LAMA5: variants seen among roughly 807,000 people sequenced by gnomAD.
LAMA5 encodes the protein laminin subunit alpha 5.
LAMA5 carries 260 observed loss-of-function variants against 433.4 expected under a neutral mutation model. That is an observed-to-expected ratio of 0.60 (90% CI 0.54 to 0.66). LAMA5 has a LOEUF of 0.66. LAMA5 is among the 30% of genes least tolerant of loss of function. The pLI, the probability that LAMA5 is intolerant of heterozygous loss-of-function variation, is 0.00. For synonymous variants in LAMA5, 2,620 were observed against 2,226.6 expected (o/e 1.18, Z -4.97); for missense variants, 5,378 against 5,258.5 (o/e 1.02, Z -0.70).
intron 55 of LAMA5, 24 bp from the exon 56 acceptor site, chr20:62,317,047 G>T: frequency 6.6e-7 from 1 of 1,514,340 alleles, no homozygotes. Context: ...GAGGGTCGAA[G>T]GAGTGGGTAA....
intron 52 of LAMA5, 76 bp from the exon 53 acceptor site, chr20:62,318,726 C>T (rs371012549): frequency 2.5e-5 from 40 of 1,573,712 alleles, no homozygotes; most frequent in South Asian, 6.8e-5. Context: ...ACTTGGTGCC[C>T]GCCAGATCCA....
At chr20:62,348,124 G>A (rs925911727) in intron 6 of LAMA5, among the ~76,000 whole-genome samples, 3 of 152,172 alleles carry the variant, frequency 2.0e-5, no homozygotes, top group Non-Finnish European at 2.9e-5. Context: ...GATACCCTGG[G>A]GTGTATAGCA....
chr20:62,315,973 C>T lies in LAMA5; in HGVS notation c.7842G>A (p.Ala2614=), dbSNP rs770413191. The T allele has an allele frequency of 2.4e-5, 38 of 1,605,560 alleles. No individual in the cohort carries two copies. The highest frequency in any genetic ancestry group is 2.2e-4 in the East Asian group (10 of 44,782). The stretch of plus-strand genomic sequence containing the variant: ...CTGTGTCCATGGCAAGCATGGCCTG[C>T]GCCGCCTGGATGTGCGCCTCCAGCT... ...KDQLEAHIQA[A]QAMLAMDTDE... The change falls in exon 58 of 80, where the codon GCG becomes GCA. Residue 2614 remains alanine (A), a synonymous_variant. Transcript: ENST00000252999.
chr20:62,335,156 G>A, intron 19 of LAMA5, 30 bp from the exon 20 acceptor site: 1 of 1,612,206 alleles, frequency 6.2e-7, no homozygotes, highest in Non-Finnish European at 8.5e-7. Context: ...GTGAAGTGGG[G>A]CAGGGGAGGG....
chr20:62,326,956 T>G lies in LAMA5; in HGVS notation c.5123A>C (p.Tyr1708Ser), dbSNP rs746991224. 1 of 1,606,576 alleles carries G rather than the reference T, an allele frequency of 6.2e-7. No individual in the cohort carries two copies. The highest frequency in any genetic ancestry group is 8.5e-7 in the Non-Finnish European group (1 of 1,175,230). Residue 1708 changes from tyrosine to serine, a missense_variant, in exon 39 of 80, where the codon TAC becomes TCC. Physicochemically the swap from Tyr to Ser is moderately radical, Grantham distance 144. Transcript: ENST00000252999. ...CAGTTCATAACGGAGGGTCCCACCG[T>G]AGGATGACACCTGGAGGCAGGACAG... ...PSYLGDRVSSYGGTLRYELHS... is the reference protein window; with the variant it reads ...PSYLGDRVSSSGGTLRYELHS...
intron 34 of LAMA5, 24 bp from the exon 35 acceptor site, chr20:62,328,469 C>A: frequency 6.8e-7 from 1 of 1,467,286 alleles, no homozygotes; most frequent in Non-Finnish European, 9.1e-7. Context: ...ACAGGGTTTA[C>A]TGACCCCTCT....
At chr20:62,314,189 GGC>G (rs1170371417) in intron 62 of LAMA5, 113 bp downstream of exon 62, 2 of 1,315,400 alleles carry the variant, frequency 1.5e-6, no homozygotes, top group Non-Finnish European at 2.1e-6. Context: ...GGCGAGGGGT[GGC>G]GAGTGGGCAT....
intron 1 of LAMA5, among the ~76,000 whole-genome samples, chr20:62,365,724 C>A (rs1405241728): frequency 6.6e-6 from 1 of 152,182 alleles, no homozygotes; most frequent in Non-Finnish European, 1.5e-5. Context: ...CCCGCTGGAC[C>A]CTGTTCTGGC....
intron 75 of LAMA5, 39 bp downstream of exon 75, chr20:62,310,626 G>C (rs1288282792): frequency 6.3e-7 from 1 of 1,591,172 alleles, no homozygotes; most frequent in African/African-American, 1.3e-5. Flanking sequence ...AAAGGGAACA[G>C]TGGGTGGGGA....
In LAMA5 at chr20:62,323,641, A is replaced by G; in HGVS notation, c.5879T>C (p.Leu1960Pro). The change falls in exon 45 of 80, where the codon CTG (leucine) becomes CCG (proline). Residue 1960 changes from leucine to proline, a missense_variant. Transcript: ENST00000252999. Reference protein sequence around the residue: ...RCAPGFFGNPLVLGSSCQPCD... With the variant: ...RCAPGFFGNPPVLGSSCQPCD... ...TGGCTGGCAGGAGCTGCCCAGCACCAGTGGGTTCCCAAAGAATCCGGGCGC... is the reference window on the plus strand; with the variant it reads ...TGGCTGGCAGGAGCTGCCCAGCACCGGTGGGTTCCCAAAGAATCCGGGCGC... The G allele has an allele frequency of 6.2e-7, 1 of 1,610,692 alleles. No homozygotes were observed. The highest frequency in any genetic ancestry group is 8.5e-7 in the Non-Finnish European group (1 of 1,179,054).
At chr20:62,346,430 G>T in intron 9 of LAMA5, 76 bp downstream of exon 9, 1 of 1,448,110 alleles carries the variant, frequency 6.9e-7, no homozygotes. Flanking sequence ...CTCCAAAGCA[G>T]CCCCAAAGGC....
chr20:62,366,383 C>T (rs1469795412), intron 1 of LAMA5, among the ~76,000 whole-genome samples: 2 of 152,222 alleles, frequency 1.3e-5, no homozygotes, highest in Non-Finnish European at 2.9e-5. Flanking sequence ...ACCTGCTGGG[C>T]AGAGATGCTG....
chr20:62,318,741 C>A, intron 52 of LAMA5, 91 bp from the exon 53 acceptor site: 1 of 1,565,586 alleles, frequency 6.4e-7, no homozygotes, highest in Non-Finnish European at 8.7e-7. Context: ...GATCCATCTG[C>A]CCCGTGATGC....
rs771074545 is a variant in LAMA5 at position 62,330,736 on chromosome 20, C to A, written c.3852+7G>T. On this transcript the variant is annotated splice_region_variant and intron_variant, in intron 30 of 79. Coordinates refer to ENST00000252999, the MANE Select transcript of LAMA5 (RefSeq NM_005560.6). ...ACCCCCGTCCCTCTAGAGACTATGG[C>A]CCTCACCTGGGGCTCACGCAGCAGG... 4.5e-6 allele frequency: 7 copies of A among 1,557,942 alleles called. No individual in the cohort carries two copies. Among genetic ancestry groups the A allele is most frequent in the East Asian group, 2.4e-5 (1 of 41,596 alleles).
intron 2 of LAMA5, among the ~76,000 whole-genome samples, chr20:62,358,806 T>G (rs1393269534): frequency 1.3e-5 from 2 of 152,016 alleles, no homozygotes; most frequent in Non-Finnish European, 2.9e-5. Flanking sequence ...AAACTCACAC[T>G]CCAGTGGCCA....
Position 62,328,323 on chromosome 20 carries a change from C to T in LAMA5, c.4570G>A (p.Gly1524Ser), listed in dbSNP as rs769352721. The change falls in exon 35 of 80, where the codon GGC becomes AGC. Residue 1524 changes from glycine to serine, a missense_variant. Physicochemically the swap from Gly to Ser is moderately conservative, Grantham distance 56. Transcript: ENST00000252999. The stretch of plus-strand genomic sequence containing the variant: ...CCTGAGCAGTTACACTCCTCACAGC[C>T]GACCAGGGGGTGGCAGCCAAAGGTC... Reference protein sequence around the residue: ...PQTFGCHPLVGCEECNCSGPG... With the variant: ...PQTFGCHPLVSCEECNCSGPG... 14 of 1,604,340 alleles carry T rather than the reference C, an allele frequency of 8.7e-6. No individual in the cohort carries two copies. The highest frequency in any genetic ancestry group is 1.3e-5 in the African/African-American group (1 of 74,838).
chr20:62,324,118 A>C lies in LAMA5; in HGVS notation c.5730T>G (p.Cys1910Trp). 6.6e-7 allele frequency: 1 copy of C among 1,525,432 alleles called. No individual in the cohort carries two copies. The highest frequency in any genetic ancestry group is 1.3e-5 in the South Asian group (1 of 78,198). 94.5% of individuals were successfully genotyped at this position (1,525,432 alleles called of 1,614,324 possible). A position where few individuals can be genotyped will look rare whatever the true frequency, so the allele number is the denominator to read the frequency against. Residue 1910 changes from cysteine (C) to tryptophan (W), a missense_variant, in exon 43 of 80, where the codon TGT becomes TGG. Physicochemically the swap from Cys to Trp is radical, Grantham distance 215. Coordinates refer to ENST00000252999, the MANE Select transcript of LAMA5 (RefSeq NM_005560.6). This position sits in a 1 kb window ranked among gnomAD's most constrained non-coding sequence, Gnocchi z 4.4. ...CTGAGAGGGGGCAGGGGCAGCTGACACAGGGGGCGCTGGGGTCGTCCCTGC... is the reference window on the plus strand; with the variant it reads ...CTGAGAGGGGGCAGGGGCAGCTGACCCAGGGGGCGCTGGGGTCGTCCCTGC... Reference protein sequence around the residue: ...VSSRDDPSAPCVSCPCPLSVP... With the variant: ...VSSRDDPSAPWVSCPCPLSVP...
rs369949406 is a variant in LAMA5 at position 62,309,500 on chromosome 20, A to G, written c.10949-25T>C. On this transcript the variant is annotated intron_variant, in intron 79 of 79. Transcript: ENST00000252999. ...TCTGGGGGCACAGGGAAGATGGAAG[A>G]AGGCTGGTTGGTGGGCAGCTAGAGA... The G allele has an allele frequency of 4.0e-4, 613 of 1,551,274 alleles. 2 individuals carry two copies. The African/African-American group carries it at 7.4e-3, about 19-fold the overall frequency.
intron 40 of LAMA5, among the ~76,000 whole-genome samples, chr20:62,325,981 G>T (rs1180268896): frequency 1.3e-5 from 2 of 152,212 alleles, no homozygotes; most frequent in African/African-American, 4.8e-5. Context: ...AGCACTTTGG[G>T]AGGCTGAGGT....
Sources: gnomAD v4.1 joint callset for allele counts (sites outside exome capture counted in the v4.1 genomes callset) on GRCh38, gnomAD v4.1.1 for gene constraint, Gnocchi (gnomAD v3.1) non-coding constraint, MANE v1.5 for transcripts, NCBI Gene and HGNC (gene_info 2026-07-23, HGNC 2026-07-21) for gene names.